Variants in CRYBA4 observed in about 807,000 individuals in gnomAD.
CRYBA4 encodes the protein crystallin beta A4, also known as beta-crystallin A4.
CRYBA4 carries 30 observed loss-of-function variants against 31.7 expected under a neutral mutation model. The observed-to-expected ratio is 0.95, with a 90% CI of 0.71 to 1.28. CRYBA4 has a LOEUF of 1.28. CRYBA4 is among the 50% of genes most tolerant of loss of function. The probability of loss-of-function intolerance (pLI) is 0.00; values close to 1 mark genes in which losing one functional copy is unlikely to be tolerated. For synonymous variants in CRYBA4, 102 were observed against 102.3 expected (o/e 1.00, Z 0.02); for missense variants, 225 against 260.7 (o/e 0.86, Z 0.94).
chr22:26,602,063 G>A, the CRYBA4 span: 1 of 1,610,100 alleles, frequency 6.2e-7, no homozygotes, highest in Non-Finnish European at 8.5e-7. Context: ...AAGTACAAAT[G>A]GGACAAAGAG....
At chr22:26,599,420 C>T in the CRYBA4 span, 7 of 1,518,960 alleles carry the variant, frequency 4.6e-6, no homozygotes, top group East Asian at 1.6e-4. Context: ...TTTTATTTGC[C>T]TGGGAAAAAT....
chr22:26,630,484 G>A lies in CRYBA4; in HGVS notation c.588G>A (p.Gln196=), dbSNP rs1929894597. ...FQVQSIRRIQ[Q] Reference sequence around the variant, plus strand: ...TGCAGAGCATCCGCAGGATCCAGCAGTGAACAGGGGTGCGGCACGGAGGAG... The same window carrying A: ...TGCAGAGCATCCGCAGGATCCAGCAATGAACAGGGGTGCGGCACGGAGGAG... Residue 196 remains glutamine, a synonymous_variant, in exon 6 of 6, where the codon CAG becomes CAA. Transcript: ENST00000354760. 4 of 1,613,094 alleles carry A rather than the reference G, an allele frequency of 2.5e-6. No individual in the cohort carries two copies. Among genetic ancestry groups the A allele is most frequent in the Non-Finnish European group, 3.4e-6 (4 of 1,179,924 alleles).
the CRYBA4 span, among the ~76,000 whole-genome samples, chr22:26,596,071 C>T: frequency 6.6e-6 from 1 of 152,160 alleles, no homozygotes; most frequent in African/African-American, 2.4e-5. Flanking sequence ...TGTGCCAGGC[C>T]AGAATCTGGA....
chr22:26,627,158 C>T (rs1929724908), intron 4 of CRYBA4, among the ~76,000 whole-genome samples: 1 of 152,016 alleles, frequency 6.6e-6, no homozygotes, highest in African/African-American at 2.4e-5. Flanking sequence ...CTCAAAAGAA[C>T]CCTGAAAAAT....
At position 26,630,336 on chromosome 22, in the gene CRYBA4, C is replaced by T. The variant is rs1929886851; in HGVS notation, c.444-4C>T. 6.2e-7 allele frequency: 1 copy of T among 1,614,146 alleles called. No individual in the cohort carries two copies. The highest frequency in any genetic ancestry group is 1.3e-5 in the African/African-American group (1 of 75,056). ...AGTAACTGTCTGCCTTTTCTCTTTT[C>T]CAGCTGGGTTTGCTCCCAGTTTCCG... On this transcript the variant is annotated splice_polypyrimidine_tract_variant and splice_region_variant and intron_variant, in intron 5 of 5. Transcript: ENST00000354760.
At chr22:26,612,024 T>C in the CRYBA4 span, 2 of 1,370,944 alleles carry the variant, frequency 1.5e-6, no homozygotes, top group African/African-American at 2.8e-5. Context: ...TGTTGTGTGG[T>C]CATTTTACTG....
At chr22:26,593,819 C>G in the CRYBA4 span, among the ~76,000 whole-genome samples, 1 of 152,174 alleles carries the variant, frequency 6.6e-6, no homozygotes, top group African/African-American at 2.4e-5. Flanking sequence ...AGCCACCATG[C>G]CCAACCACAG....
upstream of CRYBA4, among the ~76,000 whole-genome samples, chr22:26,619,054 G>A (rs1303174788): frequency 6.6e-6 from 1 of 152,154 alleles, no homozygotes; most frequent in Non-Finnish European, 1.5e-5. Flanking sequence ...CACCTAGCTG[G>A]GCCTGGCTAG....
the CRYBA4 span, among the ~76,000 whole-genome samples, chr22:26,606,044 T>C: frequency 3.6e-3 from 554 of 152,390 alleles, 3 homozygotes; most frequent in Non-Finnish European, 6.3e-3. Context: ...GCTCATCCGC[T>C]ATCGTTAGTG....
chr22:26,599,423 G>C, the CRYBA4 span: 52 of 1,521,544 alleles, frequency 3.4e-5, 1 homozygote, highest in East Asian at 8.6e-4. Flanking sequence ...TATTTGCCTG[G>C]GAAAAATGGG....
upstream of CRYBA4, among the ~76,000 whole-genome samples, chr22:26,617,697 C>T (rs1929401460): frequency 6.6e-6 from 1 of 152,146 alleles, no homozygotes. Context: ...TTCTCTCCCT[C>T]TCTGTTCCTC....
chr22:26,601,782 C>A, the CRYBA4 span: 1 of 1,587,372 alleles, frequency 6.3e-7, no homozygotes, highest in Non-Finnish European at 8.5e-7. Flanking sequence ...CCATGGCCTT[C>A]TCTAGGAATC....
At chr22:26,593,472 T>C in the CRYBA4 span, among the ~76,000 whole-genome samples, 1 of 152,014 alleles carries the variant, frequency 6.6e-6, no homozygotes, top group East Asian at 1.9e-4. Flanking sequence ...ACCTTGTCTC[T>C]ACTTTTTTTT....
At chr22:26,622,705 AG>A (rs1299529778) in intron 2 of CRYBA4, 70 bp downstream of exon 2, 13 of 1,168,784 alleles carry the variant, frequency 1.1e-5, no homozygotes, top group Non-Finnish European at 1.7e-5. Flanking sequence ...GAATCCTAGG[AG>A]GGGGGCATTA....
At chr22:26,607,965 C>T in the CRYBA4 span, 1 of 1,614,208 alleles carries the variant, frequency 6.2e-7, no homozygotes, top group Non-Finnish European at 8.5e-7. Flanking sequence ...AGGGTACTCG[C>T]CCTTCTCCAG....
chr22:26,609,553 GA>G, the CRYBA4 span, among the ~76,000 whole-genome samples: 2 of 152,120 alleles, frequency 1.3e-5, no homozygotes, highest in African/African-American at 4.8e-5. Flanking sequence ...TGGGTAGATG[GA>G]TAGATTTATA....
the CRYBA4 span, chr22:26,608,091 C>A: frequency 7.7e-4 from 1,247 of 1,611,438 alleles, 6 homozygotes; most frequent in South Asian, 7.7e-3. Context: ...TCCCTACTTG[C>A]CTTTCTCTCT....
chr22:26,603,263 C>T, the CRYBA4 span, among the ~76,000 whole-genome samples: 1 of 152,150 alleles, frequency 6.6e-6, no homozygotes, highest in Middle Eastern at 3.4e-3. Flanking sequence ...GGCATGGTGG[C>T]TCACATCTGT....
At chr22:26,613,709 G>A in the CRYBA4 span, among the ~76,000 whole-genome samples, 5,202 of 152,226 alleles carry the variant, frequency 0.034, 151 homozygotes, top group East Asian at 0.092. Context: ...TACAGCATGT[G>A]TGTTTGAGCA....
Sources: allele counts gnomAD v4.1 joint callset (sites outside exome capture counted in the v4.1 genomes callset), GRCh38; gene constraint gnomAD v4.1.1; transcripts MANE v1.5; gene names NCBI Gene and HGNC (gene_info 2026-07-23, HGNC 2026-07-21).